The following FAM221A variants were observed in gnomAD, a reference collection of about 807,000 sequenced individuals.
The protein encoded by FAM221A is protein FAM221A.
Under a neutral mutation model 37.6 loss-of-function variants are expected in FAM221A, and 43 were observed. That is an observed-to-expected ratio of 1.15 (90% CI 0.90 to 1.48). The LOEUF is 1.48. Ranked by LOEUF, FAM221A falls within the 40% of genes most tolerant of loss-of-function variation. The probability of loss-of-function intolerance (pLI) is 0.00; values close to 1 mark genes in which losing one functional copy is unlikely to be tolerated. For missense variants in FAM221A, 361 were observed against 361.5 expected, an observed-to-expected ratio of 1.00 and a Z score of 0.01; for synonymous variants, 135 against 132.9, an observed-to-expected ratio of 1.02 and a Z score of -0.11.
intron 3 of FAM221A, among the ~76,000 whole-genome samples, chr7:23,690,194 T>TAA (rs1784644562): frequency 1.8e-5 from 1 of 54,358 alleles, no homozygotes. Flanking sequence ...TATATATATA[T>TAA]ATATATTTTT....
At chr7:23,701,240 T>C (rs982506235) in intron 6 of FAM221A, among the ~76,000 whole-genome samples, 14 of 145,360 alleles carry the variant, frequency 9.6e-5, no homozygotes, top group African/African-American at 3.3e-4. Context: ...TGAATTCTCT[T>C]TTTTTTTTTT....
In FAM221A at chr7:23,698,272, A is replaced by C; in HGVS notation, c.718A>C (p.Ser240Arg). The C allele has an allele frequency of 6.3e-7, 1 of 1,584,046 alleles. No homozygotes were observed. The change falls in exon 5 of 7, where the codon AGT (serine) becomes CGT (arginine). Residue 240 changes from serine (S) to arginine (R), a missense_variant. Physicochemically the swap from Ser to Arg is moderately radical, Grantham distance 110. Coordinates refer to ENST00000344962, the MANE Select transcript of FAM221A (RefSeq NM_199136.5). ...CCTAAAAGCATTTCAAGCATCATCT[A>C]GTTCTTCTCCAGAAACGTTAACAGA... is the stretch of plus-strand genomic sequence containing the variant. ...PFLKAFQASS[S>R]SSPETLTDVG...
At position 23,691,596 on chromosome 7, in the gene FAM221A, G is replaced by A; in HGVS notation, c.637G>A (p.Gly213Ser). The A allele has an allele frequency of 6.2e-7, 1 of 1,613,188 alleles. No individual in the cohort carries two copies. The highest frequency in any genetic ancestry group is 1.7e-4 in the Middle Eastern group (1 of 6,060). Residue 213 changes from glycine to serine, a missense_variant and splice_region_variant, in exon 4 of 7, where the codon GGT (glycine) becomes AGT (serine). Gly to Ser is a moderately conservative substitution (Grantham distance 56, BLOSUM62 0). Coordinates refer to ENST00000344962, the MANE Select transcript of FAM221A (RefSeq NM_199136.5). ...GYMRLDDSGI[G>S]VPSVEFLESP... Reference sequence around the variant, plus strand: ...CATGCGGTTAGATGACAGTGGGATTGGTAAGTGATACTATATGAAATGTGA... The same window carrying A: ...CATGCGGTTAGATGACAGTGGGATTAGTAAGTGATACTATATGAAATGTGA...
chr7:23,690,261 G>T (rs1784664861), intron 3 of FAM221A, among the ~76,000 whole-genome samples: 1 of 145,420 alleles, frequency 6.9e-6, no homozygotes, highest in African/African-American at 2.6e-5. Flanking sequence ...CAGGAGTGCA[G>T]TGGTATGATC....
At chr7:23,698,007 G>C (rs1785170318) in intron 4 of FAM221A, among the ~76,000 whole-genome samples, 185 bp from the exon 5 acceptor site, 1 of 151,684 alleles carries the variant, frequency 6.6e-6, no homozygotes, top group Non-Finnish European at 1.5e-5. Flanking sequence ...TAATCCTCTT[G>C]CTTTGGCTTT....
At chr7:23,685,299 A>AAACAAAACAT in intron 2 of FAM221A, among the ~76,000 whole-genome samples, 1 of 136,576 alleles carries the variant, frequency 7.3e-6, no homozygotes, top group East Asian at 2.1e-4. Flanking sequence ...AAACAAAACA[A>AAACAAAACAT]AACAAAACCC....
At chr7:23,695,143 C>T (rs951361926) in intron 4 of FAM221A, among the ~76,000 whole-genome samples, 1 of 151,172 alleles carries the variant, frequency 6.6e-6, no homozygotes, top group African/African-American at 2.4e-5. Flanking sequence ...TAATATTTTA[C>T]ATTTTATATT....
At chr7:23,696,871 C>T (rs552743346) in intron 4 of FAM221A, among the ~76,000 whole-genome samples, 1 of 152,208 alleles carries the variant, frequency 6.6e-6, no homozygotes, top group African/African-American at 2.4e-5. Context: ...GAATTTGGTT[C>T]CTTTTTGATG....
intron 4 of FAM221A, among the ~76,000 whole-genome samples, chr7:23,695,672 C>T (rs1202173261): frequency 6.6e-6 from 1 of 152,100 alleles, no homozygotes; most frequent in Admixed American, 6.6e-5. Flanking sequence ...TATTCCTGGC[C>T]AATTTTTTTT....
At chr7:23,701,318 C>T (rs1785431967) in intron 6 of FAM221A, among the ~76,000 whole-genome samples, 1 of 145,866 alleles carries the variant, frequency 6.9e-6, no homozygotes, top group African/African-American at 2.6e-5. Context: ...CGGCTCACTG[C>T]AAGCTCCGCC....
chr7:23,690,199 A>ATATATATATTTTTT (rs774313037), intron 3 of FAM221A, among the ~76,000 whole-genome samples: 54 of 48,728 alleles, frequency 1.1e-3, no homozygotes, highest in East Asian at 5.1e-3. Context: ...ATATATATAT[A>ATATATATATTTTTT]TTTTTTTTTT....
rs114267396 is a variant in FAM221A at position 23,699,647 on chromosome 7, A to G, written c.746-1139A>G. ...AACCTCCACCTACCTGGCTCAAGTG[A>G]TCTCCCACCTCAGCCACCTGAGTAG... On this transcript the variant is annotated intron_variant, in intron 5 of 6. Transcript: ENST00000344962. Among the ~76,000 whole-genome samples the G allele has an allele frequency of 9.5e-3, 1,331 of 139,768 alleles. 24 individuals carry two copies. Among genetic ancestry groups the G allele is most frequent in the African/African-American group, 0.035 (1,289 of 36,896 alleles). 91.7% of individuals were successfully genotyped at this position (139,768 alleles called of 152,430 possible).
chr7:23,685,283 A>G (rs952954596), intron 2 of FAM221A, among the ~76,000 whole-genome samples: 1 of 151,562 alleles, frequency 6.6e-6, no homozygotes, highest in African/African-American at 2.4e-5. Flanking sequence ...AAAACAAAAC[A>G]AAACAAAACA....
Position 23,684,669 on chromosome 7 carries a change from A to G in FAM221A, c.236A>G (p.His79Arg), listed in dbSNP as rs762965869. Residue 79 changes from histidine (H) to arginine (R), a missense_variant, in exon 2 of 7, where the codon CAT (histidine) becomes CGT (arginine). Transcript: ENST00000344962. ...VGPETLCFCT[H>R]RYKQHKTDLE... ...CCAGAGACACTGTGTTTTTGTACAC[A>G]TAGGTAAGATACTTTATTGCAAAGT... 6.3e-7 allele frequency: 1 copy of G among 1,595,948 alleles called. No individual in the cohort carries two copies. The highest frequency in any genetic ancestry group is 1.1e-5 in the South Asian group (1 of 87,062).
rs373886065 is a variant in FAM221A, at chr7:23,698,019, CAA to C, written c.638-171_638-170del. 2.2e-4 allele frequency among the ~76,000 whole-genome samples: 34 copies of C among 152,160 alleles called. No individual in the cohort carries two copies. The East Asian group carries it at 4.8e-3, about 22-fold the overall frequency. On this transcript the variant is annotated intron_variant, in intron 4 of 6. Coordinates refer to ENST00000344962, the MANE Select transcript of FAM221A (RefSeq NM_199136.5). The stretch of plus-strand genomic sequence containing the variant: ...AAGTAATCCTCTTGCTTTGGCTTTC[CAA>C]AGTGTTGGCATTACAGGCATGAGCC...
At chr7:23,687,411 A>G (rs960326385) in intron 2 of FAM221A, 2 of 152,158 alleles carry the variant, frequency 1.3e-5, no homozygotes, top group Non-Finnish European at 2.9e-5. Context: ...AATGTTTGAA[A>G]ACTGTTGTCT....
intron 4 of FAM221A, among the ~76,000 whole-genome samples, chr7:23,696,172 A>G (rs1263050523): frequency 6.6e-6 from 1 of 152,246 alleles, no homozygotes; most frequent in Non-Finnish European, 1.5e-5. Flanking sequence ...ATGCTACTGT[A>G]CTGAATGCTG....
intron 4 of FAM221A, 97 bp from the exon 5 acceptor site, chr7:23,698,091 ATAAT>A (rs1171705646): frequency 2.8e-6 from 2 of 712,988 alleles, no homozygotes; most frequent in African/African-American, 3.8e-5. Flanking sequence ...AGAATTTCTA[ATAAT>A]TCTGCTGAGG....
chr7:23,691,610 T>C lies in FAM221A; in HGVS notation c.637+14T>C, dbSNP rs764282208. On this transcript the variant is annotated intron_variant, in intron 4 of 6. Coordinates refer to ENST00000344962, the MANE Select transcript of FAM221A (RefSeq NM_199136.5). ...ACAGTGGGATTGGTAAGTGATACTA[T>C]ATGAAATGTGAGCCCATTGTATTGT... The C allele has an allele frequency of 6.2e-7, 1 of 1,608,726 alleles. No individual in the cohort carries two copies.
Sources: gnomAD v4.1 joint callset for allele counts (sites outside exome capture counted in the v4.1 genomes callset) on GRCh38, gnomAD v4.1.1 for gene constraint, MANE v1.5 for transcripts, NCBI Gene and HGNC (gene_info 2026-07-23, HGNC 2026-07-21) for gene names.